Variants in SEMA4D observed in about 807,000 individuals in gnomAD.
The protein encoded by SEMA4D is semaphorin 4D.
SEMA4D carries 22 observed loss-of-function variants against 74.8 expected under a neutral mutation model. The ratio of observed to expected loss-of-function variants is 0.29; its 90% confidence interval spans 0.21 to 0.42. The LOEUF is 0.42. Ranked by LOEUF, SEMA4D falls within the 10% of genes least tolerant of loss-of-function variation. The pLI, the probability that SEMA4D is intolerant of heterozygous loss-of-function variation, is 1.00. For synonymous variants in SEMA4D, 445 were observed against 463.7 expected (o/e 0.96, Z 0.52); for missense variants, 937 against 1,118.4 (o/e 0.84, Z 2.31).
chr9:89,396,898 C>T (rs1841086354), intron 5 of SEMA4D, 63 bp from the exon 6 acceptor site: 2 of 1,432,746 alleles, frequency 1.4e-6, no homozygotes, highest in African/African-American at 1.4e-5. Context: ...ACTATTCAAA[C>T]TGCTCACGCC....
intron 2 of SEMA4D, among the ~76,000 whole-genome samples, chr9:89,452,931 T>C (rs1472986706): frequency 6.6e-6 from 1 of 152,194 alleles, no homozygotes; most frequent in African/African-American, 2.4e-5. Flanking sequence ...CCATCAGGGA[T>C]GGGATCTTGG....
At chr9:89,428,154 T>G (rs1163493209) in intron 2 of SEMA4D, among the ~76,000 whole-genome samples, 1 of 151,760 alleles carries the variant, frequency 6.6e-6, no homozygotes, top group Non-Finnish European at 1.5e-5. Flanking sequence ...ACCGCTGACC[T>G]GTCATGGAGG....
intron 1 of SEMA4D, among the ~76,000 whole-genome samples, chr9:89,475,771 T>C (rs1230515619): frequency 6.6e-6 from 1 of 152,158 alleles, no homozygotes; most frequent in Non-Finnish European, 1.5e-5. Flanking sequence ...GGGAGGCCAA[T>C]GTCAGCAGGC....
rs1468590200 is a variant in SEMA4D at position 89,492,474 on chromosome 9, G to GAGACCCC, written c.-310+5444_-310+5445insGGGGTCT. On this transcript the variant is annotated intron_variant, in intron 1 of 15. Coordinates refer to ENST00000422704, the MANE Select transcript of SEMA4D (RefSeq NM_001371194.2). This position sits in a 1 kb window ranked among gnomAD's most constrained non-coding sequence, Gnocchi z 4.3. ...TTGCCAAGATTAGGGTCCCAGCTCA[G>GAGACCCC]AGCACTCCCCCAAACTCCAGATCCC... is the stretch of plus-strand genomic sequence containing the variant. Among the ~76,000 whole-genome samples, 1 of 151,980 alleles carries GAGACCCC rather than the reference G, an allele frequency of 6.6e-6. No individual in the cohort carries two copies. Among genetic ancestry groups the GAGACCCC allele is most frequent in the African/African-American group, 2.4e-5 (1 of 41,364 alleles).
intron 2 of SEMA4D, among the ~76,000 whole-genome samples, chr9:89,424,898 G>A (rs774261900): frequency 4.6e-5 from 7 of 152,098 alleles, no homozygotes; most frequent in Non-Finnish European, 7.4e-5. Flanking sequence ...AAGGCAGCTC[G>A]CATCACACTA....
intron 13 of SEMA4D, among the ~76,000 whole-genome samples, chr9:89,382,284 C>T (rs1324123590): frequency 1.3e-5 from 2 of 152,254 alleles, no homozygotes; most frequent in African/African-American, 4.8e-5. Flanking sequence ...AGCCTCTGCC[C>T]AGGGCATCTG....
intron 7 of SEMA4D, among the ~76,000 whole-genome samples, chr9:89,393,242 G>A (rs557036515): frequency 2.0e-5 from 3 of 152,228 alleles, no homozygotes; most frequent in Non-Finnish European, 4.4e-5. Flanking sequence ...TCAGAGGTGA[G>A]AGACCACTGC....
At chr9:89,472,511 G>T in intron 1 of SEMA4D, 1 of 282,032 alleles carries the variant, frequency 3.5e-6, no homozygotes, top group Non-Finnish European at 7.0e-6. Flanking sequence ...TAATTTGAGT[G>T]GAGTTAACAG....
Position 89,381,455 on chromosome 9 carries a change from G to T in SEMA4D, c.1447-109C>A, listed in dbSNP as rs1837040528. On this transcript the variant is annotated intron_variant, in intron 13 of 15. Transcript: ENST00000422704. The surrounding 1 kb of genome is among the most constrained non-coding windows in gnomAD (Gnocchi z 4.6). ...GAAGCAGCCAGAGTGTACCTTCAGG[G>T]GACATTGCAGTAAGGAGGAGAGGTA... The T allele has an allele frequency of 1.9e-6, 2 of 1,079,108 alleles. No individual in the cohort carries two copies. Among genetic ancestry groups the T allele is most frequent in the Non-Finnish European group, 1.3e-6 (1 of 770,328 alleles). 66.8% of individuals were successfully genotyped at this position (1,079,108 alleles called of 1,614,324 possible). A position where few individuals can be genotyped will look rare whatever the true frequency, so the allele number is the denominator to read the frequency against.
intron 1 of SEMA4D, among the ~76,000 whole-genome samples, chr9:89,494,485 C>T (rs192096451): frequency 6.6e-6 from 1 of 152,304 alleles, no homozygotes; most frequent in Non-Finnish European, 1.5e-5. Flanking sequence ...CCGTGCTGAG[C>T]GCCTGCACTT....
chr9:89,442,479 C>G (rs1428804969), intron 2 of SEMA4D, among the ~76,000 whole-genome samples: 1 of 151,788 alleles, frequency 6.6e-6, no homozygotes, highest in Non-Finnish European at 1.5e-5. Context: ...AGCAACATGT[C>G]AAAAGAGTGA....
intron 13 of SEMA4D, among the ~76,000 whole-genome samples, chr9:89,382,757 C>T (rs1039225359): frequency 3.3e-5 from 5 of 152,210 alleles, no homozygotes; most frequent in Non-Finnish European, 7.3e-5. Context: ...GACAGCTGGT[C>T]CTGTTGGGTC....
intron 2 of SEMA4D, among the ~76,000 whole-genome samples, chr9:89,426,463 C>T (rs996424363): frequency 9.2e-5 from 14 of 152,208 alleles, no homozygotes; most frequent in South Asian, 4.1e-4. Flanking sequence ...CTCCCCAGGA[C>T]ATGGCTTTTG....
At chr9:89,430,367 C>CT (rs1279703661) in intron 2 of SEMA4D, among the ~76,000 whole-genome samples, 1 of 152,176 alleles carries the variant, frequency 6.6e-6, no homozygotes, top group Non-Finnish European at 1.5e-5. Flanking sequence ...TAGATGCCCT[C>CT]CAAGCTTCAG....
chr9:89,391,670 T>A (rs1839906727), intron 8 of SEMA4D, among the ~76,000 whole-genome samples: 1 of 152,168 alleles, frequency 6.6e-6, no homozygotes, highest in Non-Finnish European at 1.5e-5. Flanking sequence ...CTGCAGTGCA[T>A]CCCACCCAGG....
chr9:89,438,999 T>TTTTTA (rs1851112234), intron 2 of SEMA4D, among the ~76,000 whole-genome samples: 2 of 79,034 alleles, frequency 2.5e-5, no homozygotes, highest in Admixed American at 3.5e-4. Context: ...TTTTTTTTTT[T>TTTTTA]AACATGGAGT....
At chr9:89,383,943 C>T (rs1837793245) in intron 13 of SEMA4D, among the ~76,000 whole-genome samples, 1 of 152,128 alleles carries the variant, frequency 6.6e-6, no homozygotes, top group Non-Finnish European at 1.5e-5. Flanking sequence ...ATCTCTGTCT[C>T]TGCTGCTGTG....
At chr9:89,400,969 G>C (rs754776429) in intron 4 of SEMA4D, among the ~76,000 whole-genome samples, 3 of 152,210 alleles carry the variant, frequency 2.0e-5, no homozygotes, top group Non-Finnish European at 4.4e-5. Flanking sequence ...CAGAGGAAGA[G>C]AATTTAACAG....
Position 89,381,495 on chromosome 9 carries a change from C to T in SEMA4D, c.1447-149G>A, listed in dbSNP as rs1837054354. 1 of 722,516 alleles carries T rather than the reference C, an allele frequency of 1.4e-6. No individual in the cohort carries two copies. The highest frequency in any genetic ancestry group is 2.8e-5 in the East Asian group (1 of 35,506). The allele number at this position is 722,516 out of a possible 1,614,324, so 44.8% of individuals were successfully genotyped here. A position where few individuals can be genotyped will look rare whatever the true frequency, so the allele number is the denominator to read the frequency against. On this transcript the variant is annotated intron_variant, in intron 13 of 15. Transcript: ENST00000422704. The surrounding 1 kb of genome is among the most constrained non-coding windows in gnomAD (Gnocchi z 4.6). ...GAGGAGAGGTACTCAGAACCAGAGGCAAACAAGGCAGGTCTGTGACCTTCC... is the reference window on the plus strand; with the variant it reads ...GAGGAGAGGTACTCAGAACCAGAGGTAAACAAGGCAGGTCTGTGACCTTCC...
Sources: gnomAD v4.1 joint callset for allele counts (sites outside exome capture counted in the v4.1 genomes callset) on GRCh38, gnomAD v4.1.1 for gene constraint, Gnocchi (gnomAD v3.1) non-coding constraint, MANE v1.5 for transcripts, NCBI Gene and HGNC (gene_info 2026-07-23, HGNC 2026-07-21) for gene names.